The following TAFA2 variants were observed in gnomAD, a reference collection of about 807,000 sequenced individuals.
The protein encoded by TAFA2 is TAFA chemokine like family member 2.
In TAFA2, 7 loss-of-function variants were observed where a neutral mutation model predicts 18.8. The observed-to-expected ratio is 0.37, with a 90% CI of 0.21 to 0.70. The LOEUF is 0.70. Ranked by LOEUF, TAFA2 falls within the 30% of genes least tolerant of loss-of-function variation. The probability of loss-of-function intolerance (pLI) is 0.53; values close to 1 mark genes in which losing one functional copy is unlikely to be tolerated. For missense variants in TAFA2, 122 were observed against 158.1 expected, an observed-to-expected ratio of 0.77 and a Z score of 1.23; for synonymous variants, 60 against 54.2, an observed-to-expected ratio of 1.11 and a Z score of -0.47.
chr12:61,965,633 G>A (rs930021450), intron 1 of TAFA2, among the ~76,000 whole-genome samples: 2 of 151,926 alleles, frequency 1.3e-5, no homozygotes, highest in African/African-American at 4.8e-5. Context: ...TAGACTCTGG[G>A]AGGGGACTGA....
chr12:62,087,136 G>A (rs751537819), intron 1 of TAFA2, among the ~76,000 whole-genome samples: 7 of 152,028 alleles, frequency 4.6e-5, no homozygotes, highest in Non-Finnish European at 1.0e-4. Flanking sequence ...CAGGAGCTGG[G>A]TGAAAGAGAG....
At chr12:61,955,799 A>G (rs1333666136) in intron 1 of TAFA2, among the ~76,000 whole-genome samples, 2 of 151,444 alleles carry the variant, frequency 1.3e-5, no homozygotes, top group African/African-American at 4.8e-5. Context: ...CATGGTTTTC[A>G]CAATGAACAT....
chr12:62,038,817 G>A (rs562811361), intron 1 of TAFA2, among the ~76,000 whole-genome samples: 15 of 152,132 alleles, frequency 9.9e-5, no homozygotes, highest in African/African-American at 2.9e-4. Flanking sequence ...CACTTTTTCC[G>A]CCAAGAGTAC....
At chr12:62,207,336 A>G (rs977607885) in intron 1 of TAFA2, 12 of 152,204 alleles carry the variant, frequency 7.9e-5, no homozygotes, top group African/African-American at 2.7e-4. Flanking sequence ...TTTAATATCC[A>G]ATAATAATGA....
chr12:61,890,086 C>CTG (rs1875562190), intron 1 of TAFA2, among the ~76,000 whole-genome samples: 1 of 152,220 alleles, frequency 6.6e-6, no homozygotes, highest in Admixed American at 6.5e-5. Context: ...CTATTTCTTA[C>CTG]TGTACCATGA....
intron 1 of TAFA2, among the ~76,000 whole-genome samples, chr12:62,102,333 A>G (rs17657275): frequency 0.12 from 17,774 of 152,248 alleles, 1,153 homozygotes; most frequent in Middle Eastern, 0.14. Flanking sequence ...ACTTTTCAAC[A>G]GTTCATGTTG....
chr12:61,710,370 G>A lies in TAFA2; in HGVS notation c.*36C>T, dbSNP rs1477932674. The A allele has an allele frequency of 2.5e-6, 4 of 1,602,804 alleles. No homozygotes were observed. In the East Asian group the frequency reaches 6.7e-5, roughly 27 times the overall value. ...TTAAGTTTCTATGCGCATGTTCAATGTCATCAGCCTTGAGGATCACTTGAT... is the reference window on the plus strand; with the variant it reads ...TTAAGTTTCTATGCGCATGTTCAATATCATCAGCCTTGAGGATCACTTGAT... On this transcript the variant is annotated 3_prime_UTR_variant, in exon 5 of 5. Coordinates refer to ENST00000416284, the MANE Select transcript of TAFA2 (RefSeq NM_178539.5).
intron 1 of TAFA2, among the ~76,000 whole-genome samples, chr12:62,182,542 A>C (rs1159989260): frequency 6.6e-6 from 1 of 152,194 alleles, no homozygotes; most frequent in African/African-American, 2.4e-5. Context: ...AAAAGGCAGA[A>C]TCTCAGGCCC....
chr12:61,725,572 T>C (rs1366618388), intron 4 of TAFA2, among the ~76,000 whole-genome samples: 4 of 152,062 alleles, frequency 2.6e-5, no homozygotes, highest in Admixed American at 2.0e-4. Flanking sequence ...TTTGTTTGCT[T>C]TGTCAAAGAT....
intron 2 of TAFA2, among the ~76,000 whole-genome samples, chr12:61,838,216 A>C (rs940548213): frequency 6.6e-6 from 1 of 151,986 alleles, no homozygotes; most frequent in African/African-American, 2.4e-5. Context: ...AGAGGCATGG[A>C]GATAAAGGCA....
chr12:61,963,753 G>A (rs910345056), intron 1 of TAFA2, among the ~76,000 whole-genome samples: 1 of 151,878 alleles, frequency 6.6e-6, no homozygotes, highest in African/African-American at 2.4e-5. Flanking sequence ...GAAACCAAAA[G>A]AGAGCCCCTG....
chr12:61,889,435 C>T (rs1875533522), intron 1 of TAFA2, among the ~76,000 whole-genome samples: 1 of 152,144 alleles, frequency 6.6e-6, no homozygotes, highest in African/African-American at 2.4e-5. Context: ...TTTTACCTTA[C>T]AATCTGGCTT....
At chr12:61,826,981 T>C (rs2121076224) in intron 2 of TAFA2, among the ~76,000 whole-genome samples, 1 of 152,216 alleles carries the variant, frequency 6.6e-6, no homozygotes, top group South Asian at 2.1e-4. Flanking sequence ...CTACTATGCA[T>C]GCCCTCCTTC....
intron 1 of TAFA2, among the ~76,000 whole-genome samples, chr12:62,178,475 G>A (rs1412467525): frequency 6.6e-6 from 1 of 152,044 alleles, no homozygotes; most frequent in Non-Finnish European, 1.5e-5. Flanking sequence ...AACTCTGAAG[G>A]GTCTGAGAGT....
At chr12:62,027,209 A>C (rs1881333559) in intron 1 of TAFA2, among the ~76,000 whole-genome samples, 1 of 152,210 alleles carries the variant, frequency 6.6e-6, no homozygotes, top group African/African-American at 2.4e-5. Context: ...ATTTGCATAT[A>C]AGTTACTATT....
chr12:61,925,259 C>G (rs1175717727), intron 1 of TAFA2, among the ~76,000 whole-genome samples: 1 of 152,268 alleles, frequency 6.6e-6, no homozygotes, highest in African/African-American at 2.4e-5. Context: ...ACAGAACTCT[C>G]CACCCCAAAT....
At chr12:62,108,509 G>A (rs140067588) in intron 1 of TAFA2, among the ~76,000 whole-genome samples, 1 of 152,114 alleles carries the variant, frequency 6.6e-6, no homozygotes, top group Admixed American at 6.5e-5. Flanking sequence ...CCCAGTAAGG[G>A]GATTGCTGGG....
intron 1 of TAFA2, among the ~76,000 whole-genome samples, chr12:62,033,771 G>C (rs900504056): frequency 6.6e-6 from 1 of 151,854 alleles, no homozygotes; most frequent in Non-Finnish European, 1.5e-5. Flanking sequence ...CTACAGAATC[G>C]CTGGTTTAAA....
rs1380022306 is a variant in TAFA2 at position 61,831,414 on chromosome 12, T to C, written c.106+35906A>G. On this transcript the variant is annotated intron_variant, in intron 2 of 4. Coordinates refer to ENST00000416284, the MANE Select transcript of TAFA2 (RefSeq NM_178539.5). ...AAAATTCTTTCTTAAAATAAAATCC[T>C]ATATCTAACCCCAATATATAAAACT... Among the ~76,000 whole-genome samples, 3 of 152,200 alleles carry C rather than the reference T, an allele frequency of 2.0e-5. No individual in the cohort carries two copies. In the East Asian group the frequency reaches 5.8e-4, roughly 30 times the overall value.
Sources: allele counts gnomAD v4.1 joint callset (sites outside exome capture counted in the v4.1 genomes callset), GRCh38; gene constraint gnomAD v4.1.1; transcripts MANE v1.5; gene names NCBI Gene and HGNC (gene_info 2026-07-23, HGNC 2026-07-21).